Variants in MAF observed in about 807,000 individuals in gnomAD.
MAF encodes the protein MAF bZIP transcription factor, also known as transcription factor Maf.
Under a neutral mutation model 22.0 loss-of-function variants are expected in MAF, and 10 were observed. That is an observed-to-expected ratio of 0.45 (90% CI 0.28 to 0.77). The LOEUF (loss-of-function observed/expected upper bound fraction) is 0.77. Among genes scored for constraint, MAF ranks in the 30% least tolerant of loss-of-function variants. The pLI, the probability that MAF is intolerant of heterozygous loss-of-function variation, is 0.12. For missense variants in MAF, 544 were observed against 548.4 expected (o/e 0.99, Z 0.08); for synonymous variants, 337 against 255.8 (o/e 1.32, Z -3.03).
chr16:79,385,976 C>T, the MAF span, among the ~76,000 whole-genome samples: 1 of 152,164 alleles, frequency 6.6e-6, no homozygotes, highest in African/African-American at 2.4e-5. Flanking sequence ...TACTAGGCAC[C>T]TGGCACTTTC....
the MAF span, among the ~76,000 whole-genome samples, chr16:79,455,044 C>A: frequency 6.6e-6 from 1 of 151,316 alleles, no homozygotes; most frequent in East Asian, 1.9e-4. Context: ...TGCTGTGAGC[C>A]GAGATCGCAC....
the MAF span, among the ~76,000 whole-genome samples, chr16:79,467,464 T>C: frequency 1.3e-5 from 2 of 152,164 alleles, no homozygotes; most frequent in East Asian, 3.9e-4. Flanking sequence ...TTGCAGGCAG[T>C]GATCTTATGA....
chr16:79,598,749 T>G (rs12919670), intron 1 of MAF, 36 bp downstream of exon 1: 1 of 1,613,352 alleles, frequency 6.2e-7, no homozygotes, highest in South Asian at 1.1e-5. Flanking sequence ...GGAGCACTTA[T>G]CAGGGTGGCT....
At chr16:79,371,255 G>T in the MAF span, among the ~76,000 whole-genome samples, 1 of 152,098 alleles carries the variant, frequency 6.6e-6, no homozygotes, top group African/African-American at 2.4e-5. Flanking sequence ...GGCTCCCAGA[G>T]TAGTGTTTCA....
At chr16:79,305,010 CA>C in the MAF span, among the ~76,000 whole-genome samples, 1 of 152,132 alleles carries the variant, frequency 6.6e-6, no homozygotes, top group South Asian at 2.1e-4. Flanking sequence ...GTAATTTAAG[CA>C]ATGTGGACAA....
downstream of MAF, among the ~76,000 whole-genome samples, chr16:79,590,514 G>A (rs1913131585): frequency 1.3e-5 from 2 of 152,182 alleles, no homozygotes; most frequent in South Asian, 2.1e-4. Context: ...GGCCCTGGAT[G>A]ACCAGGCATG....
At chr16:79,470,611 C>A in the MAF span, among the ~76,000 whole-genome samples, 19 of 152,172 alleles carry the variant, frequency 1.2e-4, no homozygotes, top group Non-Finnish European at 2.6e-4. Flanking sequence ...CTCATAGCAA[C>A]CCAGTGGAAC....
the MAF span, among the ~76,000 whole-genome samples, chr16:79,493,818 G>A: frequency 1.3e-5 from 2 of 151,868 alleles, no homozygotes; most frequent in African/African-American, 4.8e-5. Context: ...CAAGTTCCAA[G>A]GAAAGACTTT....
chr16:79,294,711 G>A, the MAF span, among the ~76,000 whole-genome samples: 12,472 of 152,228 alleles, frequency 0.082, 634 homozygotes, highest in Middle Eastern at 0.17. Context: ...GCTAGATAGT[G>A]GGAGAAGGAG....
At chr16:79,265,778 G>C in the MAF span, among the ~76,000 whole-genome samples, 1 of 152,144 alleles carries the variant, frequency 6.6e-6, no homozygotes, top group Non-Finnish European at 1.5e-5. Context: ...GCACTTTACA[G>C]CTTCTCTTTG....
chr16:79,412,889 G>A, the MAF span, among the ~76,000 whole-genome samples: 4 of 152,240 alleles, frequency 2.6e-5, no homozygotes, highest in Non-Finnish European at 2.9e-5. Context: ...AATCTCACAA[G>A]AGTCAGCACC....
chr16:79,316,560 A>G, the MAF span, among the ~76,000 whole-genome samples: 1 of 152,054 alleles, frequency 6.6e-6, no homozygotes, highest in African/African-American at 2.4e-5. Context: ...TTTTTTCAGC[A>G]TGCAATTAAC....
the MAF span, among the ~76,000 whole-genome samples, chr16:79,515,552 T>C: frequency 2.0e-5 from 3 of 152,242 alleles, no homozygotes; most frequent in Non-Finnish European, 2.9e-5. Context: ...TAGGCTAGGA[T>C]GCTAGGTAGG....
At chr16:79,569,320 G>T in the MAF span, among the ~76,000 whole-genome samples, 1 of 152,178 alleles carries the variant, frequency 6.6e-6, no homozygotes, top group Admixed American at 6.5e-5. Flanking sequence ...TTCAGACATT[G>T]CCAAATGTCC....
the MAF span, among the ~76,000 whole-genome samples, chr16:79,449,084 T>C: frequency 6.6e-6 from 1 of 152,148 alleles, no homozygotes. Flanking sequence ...CATCAGGCAT[T>C]AGATCCTCAT....
the MAF span, among the ~76,000 whole-genome samples, chr16:79,447,891 CAAAA>C: frequency 2.8e-5 from 2 of 72,638 alleles, no homozygotes; most frequent in South Asian, 4.7e-4. Flanking sequence ...GATTCCATCT[CAAAA>C]AAAAAAAAAA....
chr16:79,425,113 T>C, the MAF span, among the ~76,000 whole-genome samples: 1 of 152,208 alleles, frequency 6.6e-6, no homozygotes, highest in East Asian at 1.9e-4. Context: ...ATACTTTTCA[T>C]CGTATTAATT....
chr16:79,569,284 C>G, the MAF span, among the ~76,000 whole-genome samples: 5 of 152,208 alleles, frequency 3.3e-5, no homozygotes, highest in Admixed American at 2.0e-4. Flanking sequence ...GCCCCCCTGC[C>G]TTGAGTCTTG....
the MAF span, among the ~76,000 whole-genome samples, chr16:79,271,829 G>T: frequency 6.6e-6 from 1 of 152,212 alleles, no homozygotes; most frequent in Non-Finnish European, 1.5e-5. Flanking sequence ...GGAGCTTGGT[G>T]GCACCACCAG....
Sources: allele counts gnomAD v4.1 joint callset (sites outside exome capture counted in the v4.1 genomes callset), GRCh38; gene constraint gnomAD v4.1.1; transcripts MANE v1.5; gene names NCBI Gene and HGNC (gene_info 2026-07-23, HGNC 2026-07-21).